Variants in EPM2A observed in about 807,000 individuals in gnomAD.
The protein encoded by EPM2A is laforin.
Under a neutral mutation model 26.5 loss-of-function variants are expected in EPM2A, and 21 were observed. The ratio of observed to expected loss-of-function variants is 0.79; its 90% confidence interval spans 0.56 to 1.14. The LOEUF (loss-of-function observed/expected upper bound fraction) is 1.14, where lower values mean the gene tolerates loss of function less well. Ranked by LOEUF, EPM2A falls within the 50% of genes most tolerant of loss-of-function variation. The pLI is 0.00. For missense variants in EPM2A, 458 were observed against 440.8 expected (o/e 1.04, Z -0.35); for synonymous variants, 217 against 177.6 (o/e 1.22, Z -1.76).
At chr6:145,568,365 G>A (rs1393413648) in intron 2 of EPM2A, among the ~76,000 whole-genome samples, 1 of 150,976 alleles carries the variant, frequency 6.6e-6, no homozygotes, top group Non-Finnish European at 1.5e-5. Flanking sequence ...TGTCACCCAG[G>A]CTGGAGTGCA....
intron 2 of EPM2A, among the ~76,000 whole-genome samples, chr6:145,666,998 T>G: frequency 8.2e-6 from 1 of 122,022 alleles, no homozygotes; most frequent in Non-Finnish European, 1.6e-5. Flanking sequence ...CCTTACACCT[T>G]ATACAAAAAT....
At chr6:145,464,713 T>G (rs62439571) in intron 4 of EPM2A, among the ~76,000 whole-genome samples, 122 of 152,272 alleles carry the variant, frequency 8.0e-4, no homozygotes, top group Admixed American at 2.6e-3. Flanking sequence ...TTTTCCTTTA[T>G]TTATCATAAT....
At position 145,724,767 on chromosome 6, in the gene EPM2A, T is replaced by C. The variant is rs76509733; in HGVS notation, c.301+10431A>G. Among the ~76,000 whole-genome samples, 1,170 of 152,080 alleles carry C rather than the reference T, an allele frequency of 7.7e-3. 19 individuals are homozygous for C. The highest frequency in any genetic ancestry group is 0.027 in the African/African-American group (1,107 of 41,528). On this transcript the variant is annotated intron_variant, in intron 1 of 3. Transcript: ENST00000367519. ...AATAATGGACAGTATTTTCAAAAAA[T>C]GGTGCTGGAACAAGTGGATGTCCAT...
intron 2 of EPM2A, among the ~76,000 whole-genome samples, chr6:145,576,942 T>G (rs529077471): frequency 3.6e-4 from 55 of 151,756 alleles, no homozygotes; most frequent in African/African-American, 1.2e-3. Context: ...TGATTAGAGT[T>G]AAGTTGTTAT....
Position 145,533,674 on chromosome 6 carries a change from T to C in EPM2A, c.341-31099A>G, listed in dbSNP as rs547465734. On this transcript the variant is annotated intron_variant, in intron 2 of 3. Transcript: ENST00000450221. Reference sequence around the variant, plus strand: ...CAACCTCTTGCATGACTGGGTCTACTTCATATATCAGGTGTTAGTTCAAAT... The same window carrying C: ...CAACCTCTTGCATGACTGGGTCTACCTCATATATCAGGTGTTAGTTCAAAT... 5.3e-5 allele frequency among the ~76,000 whole-genome samples: 8 copies of C among 152,236 alleles called. No individual in the cohort carries two copies. The East Asian group carries it at 1.4e-3, about 26-fold the overall frequency.
At chr6:145,575,985 G>A (rs1781025941) in intron 2 of EPM2A, among the ~76,000 whole-genome samples, 1 of 152,162 alleles carries the variant, frequency 6.6e-6, no homozygotes, top group African/African-American at 2.4e-5. Context: ...ACAGGCATGT[G>A]CCACCACGCC....
intron 2 of EPM2A, among the ~76,000 whole-genome samples, chr6:145,585,283 A>G (rs1249591226): frequency 6.6e-6 from 1 of 152,118 alleles, no homozygotes; most frequent in African/African-American, 2.4e-5. Flanking sequence ...TATAGTTTTC[A>G]TCACCTTTGG....
chr6:145,470,005 A>G (rs1456213099), intron 4 of EPM2A, among the ~76,000 whole-genome samples: 1 of 152,122 alleles, frequency 6.6e-6, no homozygotes, highest in Non-Finnish European at 1.5e-5. Flanking sequence ...GATTAGAACT[A>G]TGATTCCCAG....
intron 2 of EPM2A, among the ~76,000 whole-genome samples, chr6:145,663,145 C>G (rs1009682598): frequency 5.3e-5 from 8 of 152,268 alleles, no homozygotes; most frequent in African/African-American, 1.9e-4. Context: ...ATGCCTTTCT[C>G]TAACATCAAG....
chr6:145,477,297 C>T (rs761539452), intron 4 of EPM2A, among the ~76,000 whole-genome samples: 8 of 151,730 alleles, frequency 5.3e-5, no homozygotes, highest in Non-Finnish European at 1.2e-4. Context: ...AAAAGTCTTC[C>T]AGTAAAGAAA....
In EPM2A at chr6:145,667,587, CT is replaced by C. The variant is rs1779304822; in HGVS notation, c.476+18534del. 2.7e-5 allele frequency among the ~76,000 whole-genome samples: 4 copies of C among 150,086 alleles called. No individual in the cohort carries two copies. The South Asian group carries it at 8.3e-4, about 31-fold the overall frequency. Reference sequence around the variant, plus strand: ...GGTGGGACTGTAAACTAGTTCAACCCTTGTGGAAGTCAGTGTGGCGATTCCT... The same window carrying C: ...GGTGGGACTGTAAACTAGTTCAACCCTGTGGAAGTCAGTGTGGCGATTCCT... On this transcript the variant is annotated intron_variant, in intron 2 of 3. Coordinates refer to ENST00000367519, the MANE Select transcript of EPM2A (RefSeq NM_005670.4).
In EPM2A at chr6:145,671,362, T is replaced by G. The variant is rs1779627992; in HGVS notation, c.476+14760A>C. 4 of 1,004,234 alleles carry G rather than the reference T, an allele frequency of 4.0e-6. No homozygotes were observed. In the South Asian group the frequency reaches 1.2e-4, roughly 31 times the overall value. The allele number at this position is 1,004,234 out of a possible 1,614,324, so 62.2% of individuals were successfully genotyped here. A position where few individuals can be genotyped will look rare whatever the true frequency, so the allele number is the denominator to read the frequency against. On this transcript the variant is annotated intron_variant, in intron 2 of 3. Transcript: ENST00000367519. The stretch of plus-strand genomic sequence containing the variant: ...ACAAAAATGAGGGAAAGCACCATCT[T>G]GAGGCACAACTGGAATTCAGGCCTT...
chr6:145,423,434 G>A (rs902413804), intron 4 of EPM2A, among the ~76,000 whole-genome samples: 1 of 152,122 alleles, frequency 6.6e-6, no homozygotes, highest in African/African-American at 2.4e-5. Flanking sequence ...AATCAACCAT[G>A]GAAAAACTAT....
At position 145,481,666 on chromosome 6, in the gene EPM2A, C is replaced by T. The variant is rs371056206; in HGVS notation, c.555+20856G>A. 2.5e-4 allele frequency among the ~76,000 whole-genome samples: 38 copies of T among 152,166 alleles called. No individual in the cohort carries two copies. In the South Asian group the frequency reaches 6.6e-3, roughly 27 times the overall value. On this transcript the variant is annotated intron_variant, in intron 4 of 4. Transcript: ENST00000638717. The stretch of plus-strand genomic sequence containing the variant: ...CTGACCCAGAACCACTCAGCCAAGC[C>T]GCTCTCAAATTCATGACATGCTGAA...
intron 2 of EPM2A, among the ~76,000 whole-genome samples, chr6:145,602,008 C>T (rs1329347029): frequency 2.6e-5 from 4 of 152,046 alleles, no homozygotes; most frequent in Non-Finnish European, 5.9e-5. Flanking sequence ...AATTAAATGA[C>T]TTCTTGTCAT....
chr6:145,425,276 C>A (rs779599389), intron 4 of EPM2A, among the ~76,000 whole-genome samples: 1 of 151,998 alleles, frequency 6.6e-6, no homozygotes, highest in Non-Finnish European at 1.5e-5. Flanking sequence ...CAGGTTCAAG[C>A]GATTCTCCCA....
chr6:145,489,832 G>T, intron 4 of EPM2A: 1 of 1,448,872 alleles, frequency 6.9e-7, no homozygotes. Flanking sequence ...TAGAAGTTCA[G>T]TTTGTACTTC....
At chr6:145,515,366 G>C (rs1218882176) in intron 2 of EPM2A, among the ~76,000 whole-genome samples, 2 of 152,180 alleles carry the variant, frequency 1.3e-5, no homozygotes, top group African/African-American at 4.8e-5. Flanking sequence ...ACACAGATCA[G>C]ATTGGGGCCT....
intron 2 of EPM2A, among the ~76,000 whole-genome samples, chr6:145,593,302 T>G (rs1781299712): frequency 6.6e-6 from 1 of 152,026 alleles, no homozygotes; most frequent in Non-Finnish European, 1.5e-5. Context: ...ATAATGAGAC[T>G]AAAACTGGTA....
Sources: gnomAD v4.1 joint callset for allele counts (sites outside exome capture counted in the v4.1 genomes callset) on GRCh38, gnomAD v4.1.1 for gene constraint, MANE v1.5 for transcripts, NCBI Gene and HGNC (gene_info 2026-07-23, HGNC 2026-07-21) for gene names.